WNK2: variants seen among roughly 807,000 people sequenced by gnomAD.
The protein encoded by WNK2 is WNK lysine deficient protein kinase 2.
In WNK2, 67 loss-of-function variants were observed where a neutral mutation model predicts 192.1. The observed-to-expected ratio is 0.35, with a 90% CI of 0.29 to 0.43. The LOEUF (loss-of-function observed/expected upper bound fraction) is 0.43. Among genes scored for constraint, WNK2 ranks in the 20% least tolerant of loss-of-function variants. WNK2 has a pLI of 1.00. For synonymous variants in WNK2, 1,439 were observed against 1,393.9 expected (o/e 1.03, Z -0.72); for missense variants, 2,698 against 3,089.7 (o/e 0.87, Z 3.01).
intron 19 of WNK2, 148 bp downstream of exon 19, chr9:93,268,894 G>C: frequency 6.4e-7 from 1 of 1,567,838 alleles, no homozygotes; most frequent in Non-Finnish European, 8.6e-7. Flanking sequence ...GCAGCCTGTG[G>C]GGCTGTGTTC....
intron 2 of WNK2, among the ~76,000 whole-genome samples, chr9:93,227,987 A>G (rs1838107498): frequency 1.3e-5 from 2 of 152,216 alleles, no homozygotes; most frequent in Non-Finnish European, 2.9e-5. Context: ...GTTCCTTTCT[A>G]AATAGAAGCT....
In WNK2 at chr9:93,268,694, T is replaced by C; in HGVS notation, c.3981T>C (p.Pro1327=). The stretch of plus-strand genomic sequence containing the variant: ...CTGAGCACCCCGCCCCCGAGGCCCC[T>C]GAATCTTCGCCCCCACTTCCTCTAA... The part of the protein sequence containing the change: ...PVAEHPAPEA[P]ESSPPLPLSS... Residue 1327 remains proline, a synonymous_variant, in exon 19 of 30, where the codon CCT becomes CCC. Coordinates refer to ENST00000427277, the MANE Select transcript of WNK2 (RefSeq NM_006648.4). 2.5e-6 allele frequency: 4 copies of C among 1,613,414 alleles called. No homozygotes were observed. The highest frequency in any genetic ancestry group is 3.4e-6 in the Non-Finnish European group (4 of 1,179,788).
At chr9:93,297,131 C>A (rs1457576669) in intron 23 of WNK2, among the ~76,000 whole-genome samples, 1 of 146,452 alleles carries the variant, frequency 6.8e-6, no homozygotes, top group Non-Finnish European at 1.5e-5. Flanking sequence ...CCTCGGCGTC[C>A]TCCCCTCGGC....
chr9:93,304,869 A>G (rs1263496845), intron 26 of WNK2, among the ~76,000 whole-genome samples: 1 of 152,108 alleles, frequency 6.6e-6, no homozygotes, highest in Admixed American at 6.5e-5. Context: ...GAGGTCTAGG[A>G]GCCGTCTGCA....
chr9:93,291,953 C>T (rs1339972536), intron 21 of WNK2, among the ~76,000 whole-genome samples: 2 of 152,192 alleles, frequency 1.3e-5, no homozygotes, highest in Non-Finnish European at 2.9e-5. Context: ...CTGTGGGACC[C>T]TCTCACATCA....
At chr9:93,199,311 G>C (rs1831899181) in intron 2 of WNK2, among the ~76,000 whole-genome samples, 1 of 152,192 alleles carries the variant, frequency 6.6e-6, no homozygotes, top group Non-Finnish European at 1.5e-5. Context: ...CAATGTCAAG[G>C]ATAGTCCTGG....
chr9:93,241,442 C>A (rs1231937181), intron 7 of WNK2, among the ~76,000 whole-genome samples: 1 of 152,200 alleles, frequency 6.6e-6, no homozygotes, highest in East Asian at 1.9e-4. Context: ...TTTTTTCTTT[C>A]TTTTGAATAA....
intron 19 of WNK2, among the ~76,000 whole-genome samples, chr9:93,275,742 G>A (rs970584808): frequency 6.6e-6 from 1 of 152,316 alleles, no homozygotes. Flanking sequence ...GAACTAATAA[G>A]TGAGTTTAGC....
In WNK2 at chr9:93,239,111, G is replaced by C. The variant is rs969710777; in HGVS notation, c.1323-646G>C. 6.6e-6 allele frequency among the ~76,000 whole-genome samples: 1 copy of C among 152,234 alleles called. No homozygotes were observed. Among genetic ancestry groups the C allele is most frequent in the Admixed American group, 6.5e-5 (1 of 15,284 alleles). ...TAGGGAGGCTTCTTTGGGTGGCCAA[G>C]CCCTGCAGAGCCCCGAAGTGGTCAC... On this transcript the variant is annotated intron_variant, in intron 6 of 29. Coordinates refer to ENST00000427277, the MANE Select transcript of WNK2 (RefSeq NM_006648.4). The surrounding 1 kb of genome is among the most constrained non-coding windows in gnomAD (Gnocchi z 4.2).
intron 19 of WNK2, among the ~76,000 whole-genome samples, chr9:93,282,905 A>C (rs2133636349): frequency 6.6e-6 from 1 of 152,352 alleles, no homozygotes; most frequent in East Asian, 1.9e-4. Flanking sequence ...GACCCAAAAC[A>C]AATCTCAACA....
chr9:93,208,237 C>G (rs1457204007), intron 2 of WNK2, among the ~76,000 whole-genome samples: 2 of 152,224 alleles, frequency 1.3e-5, no homozygotes, highest in Non-Finnish European at 2.9e-5. Flanking sequence ...GACGTTTCCA[C>G]TGAAAGTGGA....
chr9:93,287,394 C>A (rs925933050), intron 19 of WNK2, among the ~76,000 whole-genome samples: 6 of 152,160 alleles, frequency 3.9e-5, no homozygotes, highest in African/African-American at 1.4e-4. Context: ...CGTGGTCCCA[C>A]CCAGCCACAG....
chr9:93,268,345 T>C (rs1344780868), intron 18 of WNK2, among the ~76,000 whole-genome samples: 1 of 152,172 alleles, frequency 6.6e-6, no homozygotes, highest in Non-Finnish European at 1.5e-5. Flanking sequence ...CAGGTTCTGC[T>C]GTGCACCCCT....
intron 12 of WNK2, among the ~76,000 whole-genome samples, chr9:93,260,464 A>G (rs984075602): frequency 1.3e-5 from 2 of 151,978 alleles, no homozygotes; most frequent in Non-Finnish European, 2.9e-5. Flanking sequence ...CAGCCCTGTA[A>G]CTGTGGCACA....
rs371193503 is a variant in WNK2 at position 93,229,806 on chromosome 9, C to T, written c.792C>T (p.Ser264=). 18 of 1,613,958 alleles carry T rather than the reference C, an allele frequency of 1.1e-5. No individual in the cohort carries two copies. The highest frequency in any genetic ancestry group is 5.0e-5 in the Admixed American group (3 of 60,024). ...IVRFYDFWES[S]AKGKRCIVLV... The stretch of plus-strand genomic sequence containing the variant: ...GCTTCTACGACTTCTGGGAGTCCAG[C>T]GCCAAGGGCAAGCGGTGCATTGTGC... The change falls in exon 3 of 30, where the codon AGC becomes AGT. Residue 264 remains serine (S), a synonymous_variant. Transcript: ENST00000427277. The surrounding 1 kb of genome is among the most constrained non-coding windows in gnomAD (Gnocchi z 4.9).
intron 5 of WNK2, among the ~76,000 whole-genome samples, chr9:93,236,582 A>G (rs1172057224): frequency 6.6e-6 from 1 of 152,234 alleles, no homozygotes; most frequent in African/African-American, 2.4e-5. Flanking sequence ...AAAACAACCT[A>G]GCAGATTGCA....
In WNK2 at chr9:93,229,479, C is replaced by T. The variant is rs1377484762; in HGVS notation, c.682-217C>T. On this transcript the variant is annotated intron_variant, in intron 2 of 29. Coordinates refer to ENST00000427277, the MANE Select transcript of WNK2 (RefSeq NM_006648.4). The surrounding 1 kb of genome is among the most constrained non-coding windows in gnomAD (Gnocchi z 4.9). ...TTCGGCTTCCTAGGATGTCTTTTTG[C>T]TGAGGTCCCTTTTTGGGGGCTGTGT... is the stretch of plus-strand genomic sequence containing the variant. Among the ~76,000 whole-genome samples, 1 of 152,138 alleles carries T rather than the reference C, an allele frequency of 6.6e-6. No homozygotes were observed. Among genetic ancestry groups the T allele is most frequent in the Non-Finnish European group, 1.5e-5 (1 of 68,018 alleles).
At chr9:93,243,265 C>T (rs906359858) in intron 7 of WNK2, among the ~76,000 whole-genome samples, 1 of 152,318 alleles carries the variant, frequency 6.6e-6, no homozygotes, top group East Asian at 1.9e-4. Flanking sequence ...GCGACTCCTC[C>T]CTGCTTTTCA....
chr9:93,313,682 T>G (rs1444703850), intron 28 of WNK2, among the ~76,000 whole-genome samples: 2 of 152,256 alleles, frequency 1.3e-5, no homozygotes, highest in African/African-American at 4.8e-5. Flanking sequence ...ATCAGCCGTC[T>G]TTTAAAAAGT....
Sources: allele counts gnomAD v4.1 joint callset (sites outside exome capture counted in the v4.1 genomes callset), GRCh38; gene constraint gnomAD v4.1.1; non-coding constraint Gnocchi (gnomAD v3.1); transcripts MANE v1.5; gene names NCBI Gene and HGNC (gene_info 2026-07-23, HGNC 2026-07-21).